PLAC8L1: variants seen among roughly 807,000 people sequenced by gnomAD.
PLAC8L1 encodes PLAC8-like protein 1.
Under a neutral mutation model 16.3 loss-of-function variants are expected in PLAC8L1, and 13 were observed. The ratio of observed to expected loss-of-function variants is 0.80; its 90% CI spans 0.52 to 1.27. The LOEUF is 1.27. Ranked by LOEUF, PLAC8L1 falls within the 50% of genes most tolerant of loss-of-function variation. PLAC8L1 has a pLI of 0.00. For missense variants in PLAC8L1, 184 were observed against 220.2 expected, an observed-to-expected ratio of 0.84 and a Z score of 1.04; for synonymous variants, 78 against 79.3, an observed-to-expected ratio of 0.98 and a Z score of 0.09.
rs1303467778 is a variant in PLAC8L1, at chr5:146,104,379, T to A, written c.-68A>T. ...TTTGGCAATAAGCTGGTTTCTAAAC[T>A]TCGGATTAGTCCAAAGTGAAACATC... is the stretch of plus-strand genomic sequence containing the variant. On this transcript the variant is annotated 5_prime_UTR_variant, in exon 1 of 4. In the 5' UTR this introduces an upstream ATG that the reference lacks. Transcript: ENST00000311450. 9 of 1,227,500 alleles carry A rather than the reference T, an allele frequency of 7.3e-6. No homozygotes were observed. In the East Asian group the frequency reaches 2.1e-4, roughly 29 times the overall value. The allele number at this position is 1,227,500 out of a possible 1,614,324, so 76.0% of individuals were successfully genotyped here.
intron 1 of PLAC8L1, among the ~76,000 whole-genome samples, chr5:146,098,780 G>T (rs1763760947): frequency 1.3e-5 from 2 of 152,304 alleles, no homozygotes; most frequent in African/African-American, 4.8e-5. Context: ...TGCATCCCAA[G>T]GATTTTGAAC....
intron 1 of PLAC8L1, among the ~76,000 whole-genome samples, chr5:146,102,896 G>T (rs1171407903): frequency 6.6e-6 from 1 of 152,102 alleles, no homozygotes; most frequent in Non-Finnish European, 1.5e-5. Flanking sequence ...TACCTGACAC[G>T]TAGTATGCAT....
intron 1 of PLAC8L1, among the ~76,000 whole-genome samples, chr5:146,101,060 G>A (rs1763807178): frequency 6.6e-6 from 1 of 152,070 alleles, no homozygotes; most frequent in African/African-American, 2.4e-5. Context: ...AGCCAGGCAT[G>A]GTGGCACGCA....
intron 2 of PLAC8L1, among the ~76,000 whole-genome samples, chr5:146,094,308 C>T (rs770091385): frequency 5.3e-5 from 8 of 152,156 alleles, no homozygotes; most frequent in Non-Finnish European, 1.2e-4. Flanking sequence ...GTCTCAAACT[C>T]CTGACAGGTA....
intron 2 of PLAC8L1, among the ~76,000 whole-genome samples, chr5:146,095,911 T>G (rs146478818): frequency 4.3e-4 from 66 of 152,362 alleles, no homozygotes; most frequent in African/African-American, 1.5e-3. Flanking sequence ...GGCTTTTACC[T>G]GGCTCATTGA....
intron 3 of PLAC8L1, among the ~76,000 whole-genome samples, chr5:146,085,004 T>C (rs1763483210): frequency 6.6e-6 from 1 of 152,260 alleles, no homozygotes; most frequent in Non-Finnish European, 1.5e-5. Flanking sequence ...TAATCATTGT[T>C]ACCAGTTTCT....
chr5:146,104,523 A>C lies in PLAC8L1; in HGVS notation c.-212T>G. 4.4e-6 allele frequency: 2 copies of C among 450,994 alleles called. No homozygotes were observed. The highest frequency in any genetic ancestry group is 4.0e-6 in the Non-Finnish European group (1 of 247,568). The allele number at this position is 450,994 out of a possible 1,614,324, so 27.9% of individuals were successfully genotyped here. A position where few individuals can be genotyped will look rare whatever the true frequency, so the allele number is the denominator to read the frequency against. On this transcript the variant is annotated 5_prime_UTR_variant, in exon 1 of 4. Coordinates refer to ENST00000311450, the MANE Select transcript of PLAC8L1 (RefSeq NM_001029869.3). ...AACTGTGGACACATTCATCTTACTA[A>C]TCTGTAGGGAGATATTGCTGGAGTA...
At chr5:146,090,793 CTG>C (rs931680331) in intron 2 of PLAC8L1, among the ~76,000 whole-genome samples, 5 of 152,136 alleles carry the variant, frequency 3.3e-5, no homozygotes, top group African/African-American at 4.8e-5. Flanking sequence ...TAGCTCACAC[CTG>C]TAATCCCAGC....
chr5:146,103,708 T>C, intron 1 of PLAC8L1: 9 of 985,358 alleles, frequency 9.1e-6, no homozygotes, highest in Non-Finnish European at 9.6e-6. Context: ...TTGACCTCAC[T>C]CCATTCCTCT....
intron 2 of PLAC8L1, among the ~76,000 whole-genome samples, chr5:146,096,217 G>C (rs1763716090): frequency 6.6e-6 from 1 of 152,136 alleles, no homozygotes; most frequent in Non-Finnish European, 1.5e-5. Context: ...CTCTGCTTCT[G>C]TCTTCACATG....
Position 146,104,388 on chromosome 5 carries a change from G to A in PLAC8L1, c.-77C>T. 1 of 1,112,804 alleles carries A rather than the reference G, an allele frequency of 9.0e-7. No homozygotes were observed. The highest frequency in any genetic ancestry group is 1.4e-6 in the Non-Finnish European group (1 of 731,488). The allele number at this position is 1,112,804 out of a possible 1,614,324, so 68.9% of individuals were successfully genotyped here. A position where few individuals can be genotyped will look rare whatever the true frequency, so the allele number is the denominator to read the frequency against. ...AAGCTGGTTTCTAAACTTCGGATTAGTCCAAAGTGAAACATCTCTTGAAAG... is the reference window on the plus strand; with the variant it reads ...AAGCTGGTTTCTAAACTTCGGATTAATCCAAAGTGAAACATCTCTTGAAAG... On this transcript the variant is annotated 5_prime_UTR_variant, in exon 1 of 4. Transcript: ENST00000311450.
rs200406150 is a variant in PLAC8L1, at chr5:146,085,503, G to A, written c.351C>T (p.Thr117=). The A allele has an allele frequency of 5.0e-6, 8 of 1,614,074 alleles. No homozygotes were observed. The East Asian group carries it at 6.7e-5, about 13-fold the overall frequency. The change falls in exon 3 of 4, where the codon ACC becomes ACT. Residue 117 remains threonine (T), a synonymous_variant. Transcript: ENST00000311450. ...CLCWPLLPGS[T]FALRIGTRER... ...CCCTGGTGCCAATTCTCAGTGCAAAGGTGGACCCAGGTAACAACGGCCAAC... is the reference window on the plus strand; with the variant it reads ...CCCTGGTGCCAATTCTCAGTGCAAAAGTGGACCCAGGTAACAACGGCCAAC...
rs1763471794 is a variant in PLAC8L1, at chr5:146,084,447, C to T, written c.519G>A (p.Lys173=). ...TATCTTGCTGTCAAACCAGGGTGTC[C>T]TTAGTCATTGGGACTGCACAGATTT... The part of the protein sequence containing the change: ...VYEICAVPMT[K]DTLV Residue 173 remains lysine (K), a synonymous_variant, in exon 4 of 4, where the codon AAG becomes AAA. Coordinates refer to ENST00000311450, the MANE Select transcript of PLAC8L1 (RefSeq NM_001029869.3). 6.2e-7 allele frequency: 1 copy of T among 1,614,024 alleles called. No individual in the cohort carries two copies. Among genetic ancestry groups the T allele is most frequent in the African/African-American group, 1.3e-5 (1 of 75,040 alleles).
intron 1 of PLAC8L1, chr5:146,103,924 T>A: frequency 1.5e-5 from 15 of 985,420 alleles, no homozygotes; most frequent in Non-Finnish European, 1.8e-5. Flanking sequence ...TGGCAGTCTC[T>A]AAAAATAAAG....
Position 146,104,397 on chromosome 5 carries a change from G to T in PLAC8L1, c.-86C>A. On this transcript the variant is annotated 5_prime_UTR_variant, in exon 1 of 4. Transcript: ENST00000311450. ...TCTAAACTTCGGATTAGTCCAAAGT[G>T]AAACATCTCTTGAAAGAATGTTCCC... The T allele has an allele frequency of 1.0e-6, 1 of 1,004,272 alleles. No individual in the cohort carries two copies. Among genetic ancestry groups the T allele is most frequent in the Non-Finnish European group, 1.6e-6 (1 of 634,526 alleles). 62.2% of individuals were successfully genotyped at this position (1,004,272 alleles called of 1,614,324 possible). A position where few individuals can be genotyped will look rare whatever the true frequency, so the allele number is the denominator to read the frequency against.
At position 146,087,116 on chromosome 5, in the gene PLAC8L1, A is replaced by G. The variant is rs1334467368; in HGVS notation, c.257-1519T>C. On this transcript the variant is annotated intron_variant, in intron 2 of 3. Coordinates refer to ENST00000311450, the MANE Select transcript of PLAC8L1 (RefSeq NM_001029869.3). Reference sequence around the variant, plus strand: ...AGTTTTGCCTCTTCTTCAACTTCATATTAATGAAATCATGTTTGCTTTTGT... The same window carrying G: ...AGTTTTGCCTCTTCTTCAACTTCATGTTAATGAAATCATGTTTGCTTTTGT... Among the ~76,000 whole-genome samples the G allele has an allele frequency of 2.0e-5, 3 of 152,192 alleles. No individual in the cohort carries two copies. The East Asian group carries it at 5.8e-4, about 29-fold the overall frequency.
rs981879347 is a variant in PLAC8L1 at position 146,105,062 on chromosome 5, C to T, written c.-751G>A. 4.6e-5 allele frequency among the ~76,000 whole-genome samples: 7 copies of T among 152,154 alleles called. No homozygotes were observed. Among genetic ancestry groups the T allele is most frequent in the Admixed American group, 3.3e-4 (5 of 15,266 alleles). The stretch of plus-strand genomic sequence containing the variant: ...GGTCTCAGGAGCCTCTGAATCATGC[C>T]TCTGGCACATGTCTTATGGAGGTGT... On this transcript the variant is annotated 5_prime_UTR_variant, in exon 1 of 4. Transcript: ENST00000311450.
intron 2 of PLAC8L1, among the ~76,000 whole-genome samples, chr5:146,086,492 T>G (rs917077425): frequency 6.6e-6 from 1 of 152,234 alleles, no homozygotes; most frequent in African/African-American, 2.4e-5. Flanking sequence ...GAACATCAAC[T>G]GTAAACAATT....
rs756969699 is a variant in PLAC8L1 at position 146,085,613 on chromosome 5, T to G, written c.257-16A>C. 6 of 1,592,978 alleles carry G rather than the reference T, an allele frequency of 3.8e-6. No homozygotes were observed. Among genetic ancestry groups the G allele is most frequent in the Non-Finnish European group, 5.1e-6 (6 of 1,168,712 alleles). ...CCACAGAAACCTGTCAATAACCACA[T>G]CCAAAAAGCCAAGGTTCTCAGATTT... On this transcript the variant is annotated splice_polypyrimidine_tract_variant and intron_variant, in intron 2 of 3. Transcript: ENST00000311450.
Sources: gnomAD v4.1 joint callset for allele counts (sites outside exome capture counted in the v4.1 genomes callset) on GRCh38, gnomAD v4.1.1 for gene constraint, MANE v1.5 for transcripts, NCBI Gene and HGNC (gene_info 2026-07-23, HGNC 2026-07-21) for gene names.